Variants in ARNT observed in about 807,000 individuals in gnomAD.
ARNT encodes class E basic helix-loop-helix protein 2.
Under a neutral mutation model 105.0 loss-of-function variants are expected in ARNT, and 30 were observed. That is an observed-to-expected ratio of 0.29 (90% confidence interval 0.21 to 0.39). ARNT has a LOEUF of 0.39. ARNT is among the 10% of genes least tolerant of loss of function. The probability of loss-of-function intolerance (pLI) is 1.00; values close to 1 mark genes in which losing one functional copy is unlikely to be tolerated. For missense variants in ARNT, 748 were observed against 978.7 expected (o/e 0.76, Z 3.15); for synonymous variants, 304 against 344.0 (o/e 0.88, Z 1.29).
At chr1:150,850,163 G>A (rs1341910169) in intron 3 of ARNT, among the ~76,000 whole-genome samples, 5 of 152,090 alleles carry the variant, frequency 3.3e-5, no homozygotes, top group South Asian at 2.1e-4. Flanking sequence ...CGAGGAGGGC[G>A]GATCACGAGG....
chr1:150,870,092 T>C (rs957387161), intron 1 of ARNT, among the ~76,000 whole-genome samples: 1 of 152,144 alleles, frequency 6.6e-6, no homozygotes, highest in Non-Finnish European at 1.5e-5. Flanking sequence ...ACTGTGTAGA[T>C]GGACTGCCAA....
chr1:150,876,593 C>CCA lies in ARNT; in HGVS notation c.-28_-27dup. The CCA allele has an allele frequency of 7.1e-7, 1 of 1,416,478 alleles. No individual in the cohort carries two copies. The highest frequency in any genetic ancestry group is 2.8e-5 in the East Asian group (1 of 35,974). The allele number at this position is 1,416,478 out of a possible 1,614,324, so 87.7% of individuals were successfully genotyped here. On this transcript the variant is annotated 5_prime_UTR_variant, in exon 1 of 22. Transcript: ENST00000358595. Reference sequence around the variant, plus strand: ...GGCCGCAGATGCCACCGCCGCCGCGCCACCCCCCCCCCCAGTGGGAGGAGC... The same window carrying CCA: ...GGCCGCAGATGCCACCGCCGCCGCGCCACACCCCCCCCCCCAGTGGGAGGAGC...
chr1:150,863,387 AGAG>A (rs761986223), intron 1 of ARNT, among the ~76,000 whole-genome samples: 5 of 151,824 alleles, frequency 3.3e-5, no homozygotes, highest in Admixed American at 6.6e-5. Context: ...AGGTAAATTC[AGAG>A]AAGATAATCC....
Position 150,810,622 on chromosome 1 carries a change from A to G in ARNT, c.*1399T>C. ...CAGTCTTGCACTTTAGCTACTGGCC[A>G]AAGCCAATTTAAAAAAAAAAAAAAA... On this transcript the variant is annotated 3_prime_UTR_variant, in exon 22 of 22. Coordinates refer to ENST00000358595, the MANE Select transcript of ARNT (RefSeq NM_001668.4). 4.7e-6 allele frequency: 1 copy of G among 213,128 alleles called. No individual in the cohort carries two copies. Among genetic ancestry groups the G allele is most frequent in the East Asian group, 7.0e-5 (1 of 14,314 alleles). The allele number at this position is 213,128 out of a possible 1,614,324, so 13.2% of individuals were successfully genotyped here.
intron 14 of ARNT, among the ~76,000 whole-genome samples, chr1:150,819,070 CT>C (rs969534486): frequency 6.6e-6 from 1 of 152,076 alleles, no homozygotes; most frequent in African/African-American, 2.4e-5. Flanking sequence ...GTTCTAAAGA[CT>C]GAATTGGACA....
chr1:150,858,276 G>T, intron 2 of ARNT, 73 bp downstream of exon 2: 1 of 1,151,354 alleles, frequency 8.7e-7, no homozygotes. Context: ...AGTGAGTTCA[G>T]CAACTAAATA....
At chr1:150,867,222 C>CAAA (rs58175144) in intron 1 of ARNT, among the ~76,000 whole-genome samples, 1 of 149,778 alleles carries the variant, frequency 6.7e-6, no homozygotes, top group Non-Finnish European at 1.5e-5. Context: ...ACAACAACAA[C>CAAA]AAAAAAAAAC....
intron 1 of ARNT, among the ~76,000 whole-genome samples, chr1:150,867,774 T>A (rs1666843972): frequency 1.3e-5 from 2 of 152,214 alleles, no homozygotes; most frequent in Admixed American, 6.5e-5. Context: ...ATTCCCCTAA[T>A]GCTCTCTCAT....
chr1:150,826,363 C>T (rs587610463), intron 13 of ARNT, among the ~76,000 whole-genome samples, 180 bp downstream of exon 13: 2 of 152,276 alleles, frequency 1.3e-5, no homozygotes, highest in South Asian at 4.1e-4. Context: ...AACAGAAATA[C>T]CTTGGGCATT....
At chr1:150,824,494 C>T (rs6671703) in intron 13 of ARNT, among the ~76,000 whole-genome samples, 11,015 of 146,458 alleles carry the variant, frequency 0.075, 573 homozygotes, top group East Asian at 0.19. Context: ...CTCGCTCTGT[C>T]GCCAGGCTGG....
At chr1:150,859,144 CTTATT>C (rs746810391) in intron 1 of ARNT, among the ~76,000 whole-genome samples, 10 of 151,892 alleles carry the variant, frequency 6.6e-5, no homozygotes, top group African/African-American at 9.7e-5. Context: ...ATATTTATAA[CTTATT>C]TTATTTATTG....
intron 1 of ARNT, among the ~76,000 whole-genome samples, chr1:150,869,408 C>G (rs1329056280): frequency 6.6e-6 from 1 of 151,594 alleles, no homozygotes; most frequent in Non-Finnish European, 1.5e-5. Flanking sequence ...ACCTGGGAGG[C>G]GGAGCTTGCA....
chr1:150,813,138 C>A, intron 21 of ARNT, 34 bp downstream of exon 21: 2 of 1,600,048 alleles, frequency 1.2e-6, no homozygotes, highest in Non-Finnish European at 1.7e-6. Flanking sequence ...TCTCTCCCAG[C>A]TTCTAATTTT....
Position 150,817,978 on chromosome 1 carries a change from G to T in ARNT, c.1447C>A (p.Gln483Lys), listed in dbSNP as rs766170284. The T allele has an allele frequency of 2.1e-5, 34 of 1,613,696 alleles. No individual in the cohort carries two copies. In the South Asian group the frequency reaches 3.7e-4, roughly 18 times the overall value. ...GGTAAATTAGCTGTGGGACCTAGTT[G>T]TGGCCTCTGGATTGTGTTGGAGAGT... ...PTLSNTIQRP[Q>K]LGPTANLPLE... Residue 483 changes from glutamine to lysine, a missense_variant, in exon 15 of 22, where the codon CAA becomes AAA. Gln to Lys is a moderately conservative substitution (Grantham distance 53). Around this residue, in one of 4 missense-constraint regions of ARNT, gnomAD observed 360 missense variants for 411.9 expected, o/e 0.87. Coordinates refer to ENST00000358595, the MANE Select transcript of ARNT (RefSeq NM_001668.4).
rs1344038540 is a variant in ARNT, at chr1:150,811,174, G to A, written c.*847C>T. 8.6e-6 allele frequency: 2 copies of A among 233,506 alleles called. No individual in the cohort carries two copies. Among genetic ancestry groups the A allele is most frequent in the African/African-American group, 4.4e-5 (2 of 45,328 alleles). The allele number at this position is 233,506 out of a possible 1,614,324, so 14.5% of individuals were successfully genotyped here. A position where few individuals can be genotyped will look rare whatever the true frequency, so the allele number is the denominator to read the frequency against. On this transcript the variant is annotated 3_prime_UTR_variant, in exon 22 of 22. Coordinates refer to ENST00000358595, the MANE Select transcript of ARNT (RefSeq NM_001668.4). ...TAAGGTGAGAGCACCAAAAGCAGCAGTAACCCAGCTTTATCACTGAATGTG... is the reference window on the plus strand; with the variant it reads ...TAAGGTGAGAGCACCAAAAGCAGCAATAACCCAGCTTTATCACTGAATGTG...
rs116880150 is a variant in ARNT, at chr1:150,838,970, T to G, written c.486+471A>C. ...AGGCAGAAAATGTTTACGCCTTCTT[T>G]TTTTCATAGTGATCACATGTAACAG... On this transcript the variant is annotated intron_variant, in intron 6 of 21. Coordinates refer to ENST00000358595, the MANE Select transcript of ARNT (RefSeq NM_001668.4). Among the ~76,000 whole-genome samples the G allele has an allele frequency of 3.5e-4, 53 of 152,332 alleles. 1 individual carries two copies. The East Asian group carries it at 9.2e-3, about 27-fold the overall frequency.
At position 150,876,547 on chromosome 1, in the gene ARNT, G is replaced by T. The variant is rs747271228; in HGVS notation, c.21C>A (p.Asn7Lys). 6.4e-7 allele frequency: 1 copy of T among 1,550,572 alleles called. No individual in the cohort carries two copies. The highest frequency in any genetic ancestry group is 1.2e-5 in the South Asian group (1 of 84,160). MAATTA[N>K]PEMTSDVPSL... is the part of the protein sequence containing the mutation. ...CCCAGTCCTCCGTCTCCTCACCGGG[G>T]TTGGCAGTAGTCGCCGCCATGGCCG... The change falls in exon 1 of 22, where the codon AAC becomes AAA. Residue 7 changes from asparagine to lysine, a missense_variant. Transcript: ENST00000358595.
At chr1:150,817,783 A>G in intron 15 of ARNT, 137 bp downstream of exon 15, 1 of 694,586 alleles carries the variant, frequency 1.4e-6, no homozygotes, top group Non-Finnish European at 2.4e-6. Context: ...TATTCCATCC[A>G]GCCTGAGCAA....
At chr1:150,814,054 C>T (rs1194086048) in intron 20 of ARNT, 23 bp downstream of exon 20, 4 of 1,610,196 alleles carry the variant, frequency 2.5e-6, no homozygotes, top group Non-Finnish European at 3.4e-6. Context: ...TTTCCTGTTA[C>T]TCTCCTTATG....
Sources: gnomAD v4.1 joint callset for allele counts (sites outside exome capture counted in the v4.1 genomes callset) on GRCh38, gnomAD v4.1.1 for gene constraint, gnomAD v4.1.1 regional missense constraint, MANE v1.5 for transcripts, NCBI Gene and HGNC (gene_info 2026-07-23, HGNC 2026-07-21) for gene names.